The following POU2F2 variants were observed in gnomAD, a reference collection of about 807,000 sequenced individuals.
The protein encoded by POU2F2 is POU domain, class 2, transcription factor 2.
Under a neutral mutation model 63.5 loss-of-function variants are expected in POU2F2, and 14 were observed. That is an observed-to-expected ratio of 0.22 (90% CI 0.15 to 0.34). The LOEUF is 0.34. Ranked by LOEUF, POU2F2 falls within the 10% of genes least tolerant of loss-of-function variation. The probability of loss-of-function intolerance (pLI) is 1.00; values close to 1 mark genes in which losing one functional copy is unlikely to be tolerated. For missense variants in POU2F2, 607 were observed against 815.2 expected (o/e 0.74, Z 3.11); for synonymous variants, 306 against 348.6 (o/e 0.88, Z 1.36).
intron 2 of POU2F2, among the ~76,000 whole-genome samples, chr19:42,138,383 T>C (rs1265437912): frequency 2.6e-5 from 4 of 152,084 alleles, no homozygotes; most frequent in Non-Finnish European, 2.9e-5. Flanking sequence ...CCTGAGGTCC[T>C]GAAGGATGAA....
At chr19:42,120,681 A>G (rs1040893720) in intron 4 of POU2F2, among the ~76,000 whole-genome samples, 2 of 152,300 alleles carry the variant, frequency 1.3e-5, no homozygotes, top group African/African-American at 2.4e-5. Flanking sequence ...TGAAATTTCC[A>G]TTTAAAAAAC....
At chr19:42,168,545 A>G (rs574388981) in intron 1 of POU2F2, among the ~76,000 whole-genome samples, 1 of 151,998 alleles carries the variant, frequency 6.6e-6, no homozygotes, top group East Asian at 1.9e-4. Flanking sequence ...CACCCTCTCC[A>G]TGTCTCCTCC....
chr19:42,114,203 G>A (rs1377251292), intron 5 of POU2F2, among the ~76,000 whole-genome samples: 1 of 152,104 alleles, frequency 6.6e-6, no homozygotes, highest in African/African-American at 2.4e-5. Context: ...CTCTAGGAGT[G>A]CATAGGCAAG....
upstream of POU2F2, among the ~76,000 whole-genome samples, chr19:42,176,872 C>G (rs1257349916): frequency 6.6e-6 from 1 of 151,344 alleles, no homozygotes; most frequent in Non-Finnish European, 1.5e-5. Context: ...CCGCCCGGCT[C>G]CCGCCCGGAG....
chr19:42,194,211 C>T (rs1199559357), intron 1 of POU2F2, among the ~76,000 whole-genome samples: 3 of 150,064 alleles, frequency 2.0e-5, no homozygotes, highest in Non-Finnish European at 3.0e-5. Flanking sequence ...AGTGAGACCC[C>T]GTCTCTACAA....
At position 42,150,639 on chromosome 19, in the gene POU2F2, C is replaced by G. The variant is rs545084655; in HGVS notation, c.-9+9693G>C. Among the ~76,000 whole-genome samples the G allele has an allele frequency of 2.6e-3, 397 of 151,930 alleles. 3 individuals carry two copies. The highest frequency in any genetic ancestry group is 0.019 in the South Asian group (93 of 4,814). On this transcript the variant is annotated intron_variant, in intron 2 of 6. Transcript: ENST00000524801. The stretch of plus-strand genomic sequence containing the variant: ...GACCAGGGCCCGAGCCGCCCTCCCC[C>G]CTGCACCCCCCTCCCTGCCTCCTGC...
Position 42,095,956 on chromosome 19 carries a change from C to G in POU2F2, c.730-27G>C. Reference sequence around the variant, plus strand: ...TGGGCCAGTGGGGCGGGGAAGGGCCCGAAGTCAGGGTGGGGCCTTCCGGCA... The same window carrying G: ...TGGGCCAGTGGGGCGGGGAAGGGCCGGAAGTCAGGGTGGGGCCTTCCGGCA... On this transcript the variant is annotated intron_variant, in intron 8 of 14. Coordinates refer to ENST00000692977, the MANE Select transcript of POU2F2 (RefSeq NM_001394376.1). The surrounding 1 kb of genome is among the most constrained non-coding windows in gnomAD (Gnocchi z 7.1). The G allele has an allele frequency of 1.2e-6, 2 of 1,608,206 alleles. No individual in the cohort carries two copies. Among genetic ancestry groups the G allele is most frequent in the East Asian group, 2.2e-5 (1 of 44,794 alleles).
intron 5 of POU2F2, among the ~76,000 whole-genome samples, chr19:42,110,376 C>T (rs755495012): frequency 6.6e-5 from 10 of 152,218 alleles, no homozygotes; most frequent in Non-Finnish European, 1.2e-4. Context: ...TGGTGGGACG[C>T]ACTGCCTGGG....
intron 2 of POU2F2, among the ~76,000 whole-genome samples, chr19:42,154,620 T>G (rs2034422394): frequency 6.7e-6 from 1 of 149,678 alleles, no homozygotes; most frequent in African/African-American, 2.5e-5. Context: ...AAAGGCTGAG[T>G]GAGAGTGAGA....
chr19:42,176,047 G>A (rs2034870237), upstream of POU2F2: 1 of 148,788 alleles, frequency 6.7e-6, no homozygotes, highest in African/African-American at 2.5e-5. Context: ...GTACTAAACC[G>A]GCCCCCACAC....
intron 5 of POU2F2, among the ~76,000 whole-genome samples, chr19:42,101,517 A>C (rs1001004043): frequency 6.6e-6 from 1 of 152,190 alleles, no homozygotes; most frequent in Non-Finnish European, 1.5e-5. Flanking sequence ...CCTGGAACAG[A>C]TCTCTCCATC....
rs555734690 is a variant in POU2F2, at chr19:42,110,581, T to G, written c.369+6669A>C. Reference sequence around the variant, plus strand: ...GCTGTGTGCCTGGGGGAAGCCACTTTCCCTCTGGGCCCCAGCCTCCTTAAC... The same window carrying G: ...GCTGTGTGCCTGGGGGAAGCCACTTGCCCTCTGGGCCCCAGCCTCCTTAAC... On this transcript the variant is annotated intron_variant, in intron 5 of 14. Transcript: ENST00000692977. 2.5e-3 allele frequency: 679 copies of G among 269,428 alleles called. 2 individuals are homozygous for G. The highest frequency in any genetic ancestry group is 4.5e-3 in the Non-Finnish European group (591 of 130,860). 16.7% of individuals were successfully genotyped at this position (269,428 alleles called of 1,614,324 possible).
At position 42,092,376 on chromosome 19, in the gene POU2F2, C is replaced by T. The variant is rs1040643078; in HGVS notation, c.1265-106G>A. 4.6e-6 allele frequency: 4 copies of T among 871,718 alleles called. No homozygotes were observed. In the Admixed American group the frequency reaches 6.0e-5, roughly 13 times the overall value. The allele number at this position is 871,718 out of a possible 1,614,324, so 54.0% of individuals were successfully genotyped here. A position where few individuals can be genotyped will look rare whatever the true frequency, so the allele number is the denominator to read the frequency against. ...TCCTCCCGCCCAGCTCACGCAGCAT[C>T]TCCTCAGTCAGAACAGCCTTAGACC... On this transcript the variant is annotated intron_variant, in intron 12 of 14. Transcript: ENST00000692977. This position sits in a 1 kb window ranked among gnomAD's most constrained non-coding sequence, Gnocchi z 5.0.
intron 1 of POU2F2, among the ~76,000 whole-genome samples, chr19:42,125,719 G>T (rs1020538540): frequency 5.3e-5 from 8 of 152,168 alleles, no homozygotes; most frequent in Non-Finnish European, 7.4e-5. Flanking sequence ...TTGCCTCAGG[G>T]CAATCCTTTC....
chr19:42,145,395 A>C (rs2146762112), intron 2 of POU2F2, among the ~76,000 whole-genome samples: 2 of 152,306 alleles, frequency 1.3e-5, no homozygotes, highest in Middle Eastern at 3.4e-3. Flanking sequence ...GCGGACCCTG[A>C]GCAGCATCCA....
intron 2 of POU2F2, among the ~76,000 whole-genome samples, chr19:42,151,029 G>T (rs2034337072): frequency 2.0e-5 from 3 of 152,192 alleles, no homozygotes; most frequent in Non-Finnish European, 1.5e-5. Context: ...TGGGCTGAGG[G>T]CCCTGGCCAG....
chr19:42,191,682 A>G (rs796093932), intron 1 of POU2F2, among the ~76,000 whole-genome samples: 79 of 152,280 alleles, frequency 5.2e-4, no homozygotes, highest in African/African-American at 1.8e-3. Context: ...CTGGCAGAAA[A>G]CAGAGGGATC....
rs1309536972 is a variant in POU2F2 at position 42,153,085 on chromosome 19, C to A, written c.-9+7247G>T. ...GCGGGTAGAAGTTGCCTTGGCCTCA[C>A]CCCAGGGTCTGGCCTGCACATGTGT... On this transcript the variant is annotated intron_variant, in intron 2 of 6. Transcript: ENST00000524801. This position sits in a 1 kb window ranked among gnomAD's most constrained non-coding sequence, Gnocchi z 5.6. Among the ~76,000 whole-genome samples the A allele has an allele frequency of 2.0e-5, 3 of 152,206 alleles. No homozygotes were observed. The highest frequency in any genetic ancestry group is 1.3e-4 in the Admixed American group (2 of 15,278).
In POU2F2 at chr19:42,096,023, C is replaced by T; in HGVS notation, c.729+59G>A. On this transcript the variant is annotated intron_variant, in intron 8 of 14. Coordinates refer to ENST00000692977, the MANE Select transcript of POU2F2 (RefSeq NM_001394376.1). This position sits in a 1 kb window ranked among gnomAD's most constrained non-coding sequence, Gnocchi z 4.1. ...CGCCCACTGGCCACGCCCCTCGCGG[C>T]ATCTATCAACTGGCCACGCCCCCAC... 1 of 1,610,108 alleles carries T rather than the reference C, an allele frequency of 6.2e-7. No individual in the cohort carries two copies. Among genetic ancestry groups the T allele is most frequent in the Non-Finnish European group, 8.5e-7 (1 of 1,178,096 alleles).
Sources: allele counts gnomAD v4.1 joint callset (sites outside exome capture counted in the v4.1 genomes callset), GRCh38; gene constraint gnomAD v4.1.1; non-coding constraint Gnocchi (gnomAD v3.1); transcripts MANE v1.5; gene names NCBI Gene and HGNC (gene_info 2026-07-23, HGNC 2026-07-21).